Variants in NFIB observed in about 807,000 individuals in gnomAD.
NFIB encodes the protein nuclear factor I B, also known as nuclear factor 1 B-type.
Under a neutral mutation model 61.5 loss-of-function variants are expected in NFIB, and 11 were observed. The ratio of observed to expected loss-of-function variants is 0.18; its 90% CI spans 0.11 to 0.30. The LOEUF (loss-of-function observed/expected upper bound fraction) is 0.30, where lower values mean the gene tolerates loss of function less well. NFIB is among the 10% of genes least tolerant of loss of function. The probability of loss-of-function intolerance (pLI) is 1.00; values close to 1 mark genes in which losing one functional copy is unlikely to be tolerated. For missense variants in NFIB, 471 were observed against 608.9 expected, an observed-to-expected ratio of 0.77 and a Z score of 2.38; for synonymous variants, 260 against 216.5, an observed-to-expected ratio of 1.20 and a Z score of -1.76.
chr9:14,324,849 C>T (rs1437774762), intron 1 of NFIB, among the ~76,000 whole-genome samples: 2 of 151,994 alleles, frequency 1.3e-5, no homozygotes, highest in Non-Finnish European at 1.5e-5. Context: ...AATATGTACA[C>T]ATATTATCAT....
chr9:14,144,837 G>T (rs951582193), intron 6 of NFIB, among the ~76,000 whole-genome samples: 1 of 152,118 alleles, frequency 6.6e-6, no homozygotes, highest in African/African-American at 2.4e-5. Context: ...CATTCCAGAG[G>T]TCATAACTTA....
At chr9:14,374,865 G>A (rs1197146463) in intron 1 of NFIB, among the ~76,000 whole-genome samples, 2 of 152,110 alleles carry the variant, frequency 1.3e-5, no homozygotes, top group African/African-American at 4.8e-5. Flanking sequence ...AGACAAGATT[G>A]CGCCACTGCA....
the NFIB span, among the ~76,000 whole-genome samples, chr9:14,408,073 T>C: frequency 6.6e-6 from 1 of 152,302 alleles, no homozygotes; most frequent in Non-Finnish European, 1.5e-5. Context: ...AAGGTTTAGT[T>C]AGTTTCAGGC....
At position 14,120,216 on chromosome 9, in the gene NFIB, C is replaced by T. The variant is rs1288759159; in HGVS notation, c.1245+224G>A. Among the ~76,000 whole-genome samples, 1 of 152,174 alleles carries T rather than the reference C, an allele frequency of 6.6e-6. No individual in the cohort carries two copies. The highest frequency in any genetic ancestry group is 2.4e-5 in the African/African-American group (1 of 41,432). ...CCTTCAGTCAGTGAAAATCCAAAAA[C>T]ATTAAACCATCTTCACAAATGTACC... is the stretch of plus-strand genomic sequence containing the variant. On this transcript the variant is annotated intron_variant, in intron 8 of 10. Transcript: ENST00000380953. The surrounding 1 kb of genome is among the most constrained non-coding windows in gnomAD (Gnocchi z 4.4).
intron 1 of NFIB, among the ~76,000 whole-genome samples, chr9:14,379,294 G>A (rs1232234634): frequency 1.3e-5 from 2 of 152,146 alleles, no homozygotes; most frequent in Non-Finnish European, 1.5e-5. Flanking sequence ...AGCAGGAGTG[G>A]GAGTGGAAAG....
the NFIB span, among the ~76,000 whole-genome samples, chr9:14,404,966 G>GT: frequency 6.6e-6 from 1 of 152,176 alleles, no homozygotes; most frequent in Non-Finnish European, 1.5e-5. Flanking sequence ...ACTCCGTGTA[G>GT]TTTTTTACCT....
At chr9:14,203,808 A>G (rs779956252) in intron 2 of NFIB, among the ~76,000 whole-genome samples, 19 of 152,230 alleles carry the variant, frequency 1.2e-4, no homozygotes, top group African/African-American at 2.9e-4. Context: ...ATATTGGAAT[A>G]CTACCAGATA....
At chr9:14,166,931 T>C (rs550934079) in intron 3 of NFIB, among the ~76,000 whole-genome samples, 182 of 152,326 alleles carry the variant, frequency 1.2e-3, no homozygotes, top group African/African-American at 4.2e-3. Flanking sequence ...GTAGGTTCAC[T>C]TTTCGTATAA....
At chr9:14,400,777 C>G (rs553820585), upstream of NFIB, among the ~76,000 whole-genome samples, 1 of 152,298 alleles carries the variant, frequency 6.6e-6, no homozygotes, top group African/African-American at 2.4e-5. Flanking sequence ...TGGATCAGGA[C>G]TGACATCTGC....
intron 2 of NFIB, among the ~76,000 whole-genome samples, chr9:14,267,184 C>T (rs2057272472): frequency 2.6e-5 from 4 of 152,116 alleles, no homozygotes; most frequent in Admixed American, 2.6e-4. Context: ...ATAAGGGACA[C>T]TGAACACATA....
At chr9:14,408,888 C>A in the NFIB span, among the ~76,000 whole-genome samples, 1 of 151,782 alleles carries the variant, frequency 6.6e-6, no homozygotes, top group Non-Finnish European at 1.5e-5. Context: ...CTATATTATC[C>A]CTATTTTGCA....
intron 2 of NFIB, among the ~76,000 whole-genome samples, chr9:14,200,500 T>C (rs766314521): frequency 1.3e-5 from 2 of 152,222 alleles, no homozygotes; most frequent in Non-Finnish European, 1.5e-5. Context: ...AGTCTAAGTA[T>C]GTGTTTCAGC....
intron 2 of NFIB, among the ~76,000 whole-genome samples, chr9:14,300,663 T>C (rs1309737199): frequency 1.3e-5 from 2 of 152,226 alleles, no homozygotes; most frequent in Non-Finnish European, 2.9e-5. Flanking sequence ...TCCATTATCA[T>C]GTAAGCCACC....
At chr9:14,174,547 C>T (rs894868447) in intron 3 of NFIB, among the ~76,000 whole-genome samples, 1 of 151,896 alleles carries the variant, frequency 6.6e-6, no homozygotes, top group East Asian at 1.9e-4. Flanking sequence ...GCGGGTGGAT[C>T]ACGAGGTTAG....
intron 3 of NFIB, among the ~76,000 whole-genome samples, chr9:14,166,696 C>A (rs560578456): frequency 1.3e-5 from 2 of 152,272 alleles, no homozygotes; most frequent in South Asian, 4.2e-4. Flanking sequence ...CTTGAATTTT[C>A]TATTCTCTCA....
intron 2 of NFIB, among the ~76,000 whole-genome samples, chr9:14,227,387 C>A (rs1408321945): frequency 1.3e-5 from 2 of 152,084 alleles, no homozygotes; most frequent in Admixed American, 1.3e-4. Context: ...TTAGGAAGTA[C>A]TCAAAACTAT....
upstream of NFIB, among the ~76,000 whole-genome samples, chr9:14,403,736 T>C (rs1221187474): frequency 6.6e-6 from 1 of 152,210 alleles, no homozygotes; most frequent in African/African-American, 2.4e-5. Flanking sequence ...GTCGGTTGTC[T>C]TTTAAAATAT....
At chr9:14,475,219 C>T in the NFIB span, among the ~76,000 whole-genome samples, 5 of 152,316 alleles carry the variant, frequency 3.3e-5, no homozygotes, top group African/African-American at 1.2e-4. Flanking sequence ...TGAGGCATAG[C>T]GTGCTAAGTG....
At chr9:14,330,471 T>A (rs1020258993) in intron 1 of NFIB, among the ~76,000 whole-genome samples, 1 of 152,232 alleles carries the variant, frequency 6.6e-6, no homozygotes, top group African/African-American at 2.4e-5. Flanking sequence ...AAACGTTTTT[T>A]AAATAGTTTT....
Sources: gnomAD v4.1 joint callset for allele counts (sites outside exome capture counted in the v4.1 genomes callset) on GRCh38, gnomAD v4.1.1 for gene constraint, Gnocchi (gnomAD v3.1) non-coding constraint, MANE v1.5 for transcripts, NCBI Gene and HGNC (gene_info 2026-07-23, HGNC 2026-07-21) for gene names.